FBXW10B: variants seen among roughly 807,000 people sequenced by gnomAD.
The protein encoded by FBXW10B is F-box and WD repeat domain containing 10B.
At chr17:15,599,318 C>T in the FBXW10B span, among the ~76,000 whole-genome samples, 3 of 134,110 alleles carry the variant, frequency 2.2e-5, no homozygotes, top group Non-Finnish European at 3.1e-5. Context: ...GGTCACAAGC[C>T]GGGAAGGAGG....
the FBXW10B span, among the ~76,000 whole-genome samples, chr17:15,576,630 G>A: frequency 8.5e-5 from 13 of 152,354 alleles, no homozygotes; most frequent in South Asian, 2.1e-3. Flanking sequence ...GCTTGGTGAC[G>A]CTGACAGGGA....
chr17:15,612,400 G>A, the FBXW10B span, among the ~76,000 whole-genome samples: 1 of 152,056 alleles, frequency 6.6e-6, no homozygotes. Flanking sequence ...TGTAGTCCCA[G>A]CTACTCAGGA....
the FBXW10B span, among the ~76,000 whole-genome samples, chr17:15,606,970 A>G: frequency 1.3e-5 from 2 of 152,234 alleles, no homozygotes; most frequent in African/African-American, 4.8e-5. Flanking sequence ...GTTGCTTATT[A>G]AAGGACCTTC....
the FBXW10B span, among the ~76,000 whole-genome samples, chr17:15,605,826 C>A: frequency 6.7e-6 from 1 of 150,014 alleles, no homozygotes. Flanking sequence ...TGTTTTTTCC[C>A]TTAATCAATA....
chr17:15,596,422 T>A, the FBXW10B span: 1 of 1,348,108 alleles, frequency 7.4e-7, no homozygotes, highest in South Asian at 1.5e-5. Context: ...CATACTCAGT[T>A]ACTCTAGGAT....
At chr17:15,619,186 C>T in the FBXW10B span, 2 of 1,614,004 alleles carry the variant, frequency 1.2e-6, no homozygotes, top group East Asian at 2.2e-5. Context: ...TTTTATCCAA[C>T]ATTTGGTTCA....
At chr17:15,582,481 A>T in the FBXW10B span, among the ~76,000 whole-genome samples, 15,799 of 151,848 alleles carry the variant, frequency 0.1, 1,613 homozygotes, top group East Asian at 0.44. Flanking sequence ...CCACATATTA[A>T]TTGATATATT....
At chr17:15,595,262 C>T in the FBXW10B span, among the ~76,000 whole-genome samples, 1 of 152,078 alleles carries the variant, frequency 6.6e-6, no homozygotes, top group African/African-American at 2.4e-5. Flanking sequence ...TTCGCTTGAA[C>T]CAGGGAGATG....
chr17:15,591,682 A>C, the FBXW10B span, among the ~76,000 whole-genome samples: 16 of 140,254 alleles, frequency 1.1e-4, no homozygotes, highest in African/African-American at 4.4e-4. Context: ...GATGTCTTGA[A>C]ATTCAGTGTT....
chr17:15,568,104 C>T, the FBXW10B span, among the ~76,000 whole-genome samples: 12 of 152,314 alleles, frequency 7.9e-5, no homozygotes, highest in South Asian at 1.7e-3. Flanking sequence ...TGTAGAAAAG[C>T]GTGCTAGTTC....
the FBXW10B span, among the ~76,000 whole-genome samples, chr17:15,589,652 A>C: frequency 1.3e-5 from 2 of 152,150 alleles, no homozygotes. Flanking sequence ...GGGTGAAAAT[A>C]GCTCATTTTT....
chr17:15,566,661 C>T, the FBXW10B span, among the ~76,000 whole-genome samples: 5 of 151,850 alleles, frequency 3.3e-5, no homozygotes, highest in African/African-American at 9.7e-5. Flanking sequence ...TCCGGGTTCA[C>T]GCCGTTTTCC....
At chr17:15,615,631 G>A in the FBXW10B span, 26 of 1,613,570 alleles carry the variant, frequency 1.6e-5, no homozygotes, top group Non-Finnish European at 2.1e-5. Flanking sequence ...CTTTCTTGCT[G>A]AAAGTTCACT....
chr17:15,595,974 A>G, the FBXW10B span, among the ~76,000 whole-genome samples: 76,489 of 147,908 alleles, frequency 0.52, 21,908 homozygotes, highest in African/African-American at 0.76. Flanking sequence ...TGCCTCCCTG[A>G]TTCAAGCAAT....
chr17:15,610,154 G>A, the FBXW10B span, among the ~76,000 whole-genome samples: 2 of 152,076 alleles, frequency 1.3e-5, no homozygotes, highest in Non-Finnish European at 1.5e-5. Context: ...GAGCCACTGC[G>A]CCTGGCCCCT....
the FBXW10B span, chr17:15,598,891 C>T: frequency 1.6e-5 from 10 of 615,176 alleles, no homozygotes; most frequent in South Asian, 4.3e-5. Context: ...TAATAAGAGT[C>T]GTTGGTCAGG....
chr17:15,607,580 G>C, the FBXW10B span: 4 of 1,604,036 alleles, frequency 2.5e-6, no homozygotes, highest in Non-Finnish European at 3.4e-6. Context: ...CTACGTGTCA[G>C]AGAGAATGCG....
the FBXW10B span, among the ~76,000 whole-genome samples, chr17:15,582,804 C>T: frequency 1.3e-5 from 2 of 152,002 alleles, no homozygotes; most frequent in Admixed American, 6.6e-5. Flanking sequence ...ACCAAAGAGC[C>T]GTTCAGTGGG....
chr17:15,599,942 C>A, the FBXW10B span, among the ~76,000 whole-genome samples: 1 of 152,070 alleles, frequency 6.6e-6, no homozygotes, highest in Non-Finnish European at 1.5e-5. Context: ...TACAGCCGGG[C>A]ACGGTGGCTC....
Sources: allele counts gnomAD v4.1 joint callset (sites outside exome capture counted in the v4.1 genomes callset), GRCh38; gene constraint gnomAD v4.1.1; transcripts MANE v1.5; gene names NCBI Gene and HGNC (gene_info 2026-07-23, HGNC 2026-07-21).